Variants in ATXN1 observed in about 807,000 individuals in gnomAD.
ATXN1 encodes ataxin-1.
Under a neutral mutation model 56.4 loss-of-function variants are expected in ATXN1, and 8 were observed. The ratio of observed to expected loss-of-function variants is 0.14; its 90% CI spans 0.08 to 0.26. The LOEUF (loss-of-function observed/expected upper bound fraction) is 0.26, where lower values mean the gene tolerates loss of function less well. Ranked by LOEUF, ATXN1 falls within the 10% of genes least tolerant of loss-of-function variation. The probability of loss-of-function intolerance (pLI) is 1.00; values close to 1 mark genes in which losing one functional copy is unlikely to be tolerated. For missense variants in ATXN1, 987 were observed against 1,106.5 expected (o/e 0.89, Z 1.53); for synonymous variants, 514 against 494.6 (o/e 1.04, Z -0.52).
chr6:16,538,766 A>G (rs1761655330), intron 4 of ATXN1, among the ~76,000 whole-genome samples: 1 of 152,054 alleles, frequency 6.6e-6, no homozygotes, highest in Admixed American at 6.5e-5. Context: ...GCTCACTGCA[A>G]CCTACGCCTC....
chr6:16,370,007 C>T (rs1762006265), intron 6 of ATXN1, among the ~76,000 whole-genome samples: 1 of 152,196 alleles, frequency 6.6e-6, no homozygotes, highest in Non-Finnish European at 1.5e-5. Context: ...TGCATCTTCC[C>T]TCCTCTACCA....
intron 7 of ATXN1, among the ~76,000 whole-genome samples, chr6:16,321,048 G>C (rs1392557021): frequency 6.6e-6 from 1 of 152,212 alleles, no homozygotes; most frequent in Admixed American, 6.5e-5. Context: ...AGCCATCTAA[G>C]TTGAAGCAGG....
chr6:16,325,512 A>G (rs890074195), intron 7 of ATXN1, among the ~76,000 whole-genome samples: 1 of 151,756 alleles, frequency 6.6e-6, no homozygotes, highest in Non-Finnish European at 1.5e-5. Flanking sequence ...ACTCTAACCA[A>G]TCCTAAACCC....
chr6:16,378,602 G>A (rs924927472), intron 6 of ATXN1, among the ~76,000 whole-genome samples: 15 of 151,404 alleles, frequency 9.9e-5, no homozygotes, highest in Admixed American at 9.2e-4. Context: ...CTCTGTCACC[G>A]AGGCTGGAGT....
At position 16,753,213 on chromosome 6, in the gene ATXN1, G is replaced by C; in HGVS notation, c.-615+20C>G. Reference sequence around the variant, plus strand: ...ACTTTATCCTCAGATGGAAAACAGAGAGCATCGCAAAACTCTCACCTGACA... The same window carrying C: ...ACTTTATCCTCAGATGGAAAACAGACAGCATCGCAAAACTCTCACCTGACA... On this transcript the variant is annotated intron_variant, in intron 2 of 7. Coordinates refer to ENST00000436367, the MANE Select transcript of ATXN1 (RefSeq NM_001128164.2). The C allele has an allele frequency of 2.2e-6, 1 of 456,464 alleles. No individual in the cohort carries two copies. Among genetic ancestry groups the C allele is most frequent in the Non-Finnish European group, 4.4e-6 (1 of 226,948 alleles). The allele number at this position is 456,464 out of a possible 1,614,324, so 28.3% of individuals were successfully genotyped here.
chr6:16,625,086 C>T (rs941649808), intron 3 of ATXN1, among the ~76,000 whole-genome samples: 1 of 152,304 alleles, frequency 6.6e-6, no homozygotes, highest in South Asian at 2.1e-4. Context: ...TCTTTGATGC[C>T]ATCCTTATGC....
In ATXN1 at chr6:16,365,625, A is replaced by G. The variant is rs1350300175; in HGVS notation, c.-160-37155T>C. On this transcript the variant is annotated intron_variant, in intron 6 of 7. Transcript: ENST00000436367. Reference sequence around the variant, plus strand: ...ATAACCAAATAGAAAATCTCTAGAAACATTATTTTACTTTTCATCTGTTTG... The same window carrying G: ...ATAACCAAATAGAAAATCTCTAGAAGCATTATTTTACTTTTCATCTGTTTG... 2.6e-5 allele frequency among the ~76,000 whole-genome samples: 4 copies of G among 152,238 alleles called. No individual in the cohort carries two copies. The East Asian group carries it at 7.7e-4, about 29-fold the overall frequency.
intron 6 of ATXN1, among the ~76,000 whole-genome samples, chr6:16,479,209 C>T (rs1291054017): frequency 6.6e-6 from 1 of 150,662 alleles, no homozygotes; most frequent in East Asian, 1.9e-4. Context: ...AGCACAAATA[C>T]AAAAAAAAAT....
intron 3 of ATXN1, among the ~76,000 whole-genome samples, chr6:16,606,352 C>T (rs923002280): frequency 6.6e-6 from 1 of 151,974 alleles, no homozygotes; most frequent in Non-Finnish European, 1.5e-5. Flanking sequence ...GATGGTGAAA[C>T]GTATTTCCAA....
At chr6:16,520,908 T>C (rs926476726) in intron 5 of ATXN1, among the ~76,000 whole-genome samples, 1 of 152,224 alleles carries the variant, frequency 6.6e-6, no homozygotes, top group Non-Finnish European at 1.5e-5. Context: ...TACGTCTGTA[T>C]GTACATAAGG....
chr6:16,390,461 C>A (rs1758329769), intron 6 of ATXN1, among the ~76,000 whole-genome samples: 1 of 152,090 alleles, frequency 6.6e-6, no homozygotes. Flanking sequence ...CTGCCCATCC[C>A]TGAAATAGAT....
intron 2 of ATXN1, among the ~76,000 whole-genome samples, chr6:16,718,866 T>G (rs1046014929): frequency 4.6e-5 from 7 of 152,120 alleles, no homozygotes; most frequent in African/African-American, 1.4e-4. Flanking sequence ...TGTTCATAGG[T>G]TTTTACTGGG....
chr6:16,456,028 G>T (rs1014333940), intron 6 of ATXN1, among the ~76,000 whole-genome samples: 2 of 152,178 alleles, frequency 1.3e-5, no homozygotes, highest in African/African-American at 4.8e-5. Flanking sequence ...ACAAATAAGG[G>T]AATAAAAGCG....
chr6:16,681,678 G>C (rs1758815878), intron 2 of ATXN1, among the ~76,000 whole-genome samples: 1 of 152,136 alleles, frequency 6.6e-6, no homozygotes, highest in Non-Finnish European at 1.5e-5. Flanking sequence ...TGCTTCTGTT[G>C]AACTGTTTAT....
intron 2 of ATXN1, among the ~76,000 whole-genome samples, chr6:16,677,406 C>T (rs1268115608): frequency 6.6e-5 from 10 of 152,156 alleles, no homozygotes; most frequent in African/African-American, 2.4e-4. Flanking sequence ...AAATATGCTA[C>T]TGCGTTTATC....
chr6:16,365,674 T>C (rs146204415), intron 6 of ATXN1, among the ~76,000 whole-genome samples: 573 of 152,344 alleles, frequency 3.8e-3, no homozygotes, highest in Non-Finnish European at 6.5e-3. Flanking sequence ...ATGTAAAGCA[T>C]AGACTACAGT....
At chr6:16,530,278 C>T (rs186341624) in intron 4 of ATXN1, among the ~76,000 whole-genome samples, 111 of 152,156 alleles carry the variant, frequency 7.3e-4, no homozygotes, top group African/African-American at 2.4e-3. Flanking sequence ...TTAAAATCAA[C>T]GTAGGTTGTA....
Position 16,637,588 on chromosome 6 carries a change from C to T in ATXN1, c.-489+20188G>A, listed in dbSNP as rs140069979. 5.1e-3 allele frequency among the ~76,000 whole-genome samples: 775 copies of T among 152,212 alleles called. 7 individuals are homozygous for T. Among genetic ancestry groups the T allele is most frequent in the Non-Finnish European group, 7.8e-3 (533 of 67,984 alleles). On this transcript the variant is annotated intron_variant, in intron 3 of 7. Coordinates refer to ENST00000436367, the MANE Select transcript of ATXN1 (RefSeq NM_001128164.2). ...CAACAGCTGTTTCTCCAATTAGAGT[C>T]ACCTATAACAAGTGAATTCTTAGCA...
chr6:16,555,267 C>T (rs572190560), intron 4 of ATXN1, among the ~76,000 whole-genome samples: 6 of 152,284 alleles, frequency 3.9e-5, no homozygotes, highest in Non-Finnish European at 8.8e-5. Flanking sequence ...ACTGCCTGAG[C>T]AACTGCTCTC....
Sources: allele counts gnomAD v4.1 joint callset (sites outside exome capture counted in the v4.1 genomes callset), GRCh38; gene constraint gnomAD v4.1.1; transcripts MANE v1.5; gene names NCBI Gene and HGNC (gene_info 2026-07-23, HGNC 2026-07-21).